SCGB2B2: variants seen among roughly 807,000 people sequenced by gnomAD.
SCGB2B2 encodes secretoglobin-like protein.
A neutral mutation model predicts 7.6 loss-of-function variants in SCGB2B2; 11 were observed. The observed-to-expected ratio is 1.45, with a 90% CI of 0.91 to 2.40. The LOEUF is 2.40. Among genes scored for constraint, SCGB2B2 ranks in the 30% most tolerant of loss-of-function variants. The probability of loss-of-function intolerance (pLI) is 0.00; values close to 1 mark genes in which losing one functional copy is unlikely to be tolerated. For synonymous variants in SCGB2B2, 50 were observed against 48.6 expected (o/e 1.03, Z -0.12); for missense variants, 104 against 115.4 (o/e 0.90, Z 0.45).
chr19:34,645,654 C>A, intron 1 of SCGB2B2: 1 of 366,238 alleles, frequency 2.7e-6, no homozygotes, highest in South Asian at 2.5e-5. Context: ...GGACCAGACT[C>A]CACTGTCATG....
Position 34,598,484 on chromosome 19 carries a change from T to G in SCGB2B2, c.-2031-1890A>C, listed in dbSNP as rs574507493. On this transcript the variant is annotated intron_variant, in intron 1 of 3. Transcript: ENST00000601241. Reference sequence around the variant, plus strand: ...ACTAGAGGGGACTCTAATCCCCAGTTGTTTGAGGAACTTGGGCATCCTGCA... The same window carrying G: ...ACTAGAGGGGACTCTAATCCCCAGTGGTTTGAGGAACTTGGGCATCCTGCA... Among the ~76,000 whole-genome samples the G allele has an allele frequency of 1.1e-3, 173 of 151,382 alleles. 1 individual carries two copies. Among genetic ancestry groups the G allele is most frequent in the African/African-American group, 4.0e-3 (164 of 41,198 alleles).
intron 1 of SCGB2B2, among the ~76,000 whole-genome samples, chr19:34,610,763 C>T (rs2065904077): frequency 2.3e-5 from 3 of 130,076 alleles, no homozygotes; most frequent in Admixed American, 7.8e-5. Context: ...GGATATTGGC[C>T]TATAGTTTTT....
intron 1 of SCGB2B2, among the ~76,000 whole-genome samples, chr19:34,603,884 T>C (rs2065703843): frequency 1.3e-5 from 2 of 150,768 alleles, no homozygotes; most frequent in African/African-American, 4.9e-5. Context: ...GATAGCTCAC[T>C]GTAGCCTCAA....
chr19:34,643,251 AATC>A (rs1379912221), intron 1 of SCGB2B2, among the ~76,000 whole-genome samples: 1 of 152,208 alleles, frequency 6.6e-6, no homozygotes, highest in East Asian at 1.9e-4. Flanking sequence ...AAAAGAGTGA[AATC>A]ATGTCTTTTG....
intron 1 of SCGB2B2, among the ~76,000 whole-genome samples, chr19:34,601,020 T>C (rs936840922): frequency 3.3e-5 from 5 of 152,166 alleles, no homozygotes; most frequent in African/African-American, 1.2e-4. Flanking sequence ...GTCTTTATTA[T>C]TTTGCTTTGT....
chr19:34,652,766 A>T (rs1335093308), intron 1 of SCGB2B2, among the ~76,000 whole-genome samples: 1 of 151,436 alleles, frequency 6.6e-6, no homozygotes, highest in Non-Finnish European at 1.5e-5. Context: ...TGGGAATGTA[A>T]ATTAGAACAG....
intron 1 of SCGB2B2, among the ~76,000 whole-genome samples, chr19:34,663,775 T>G (rs1422771924): frequency 6.7e-6 from 1 of 150,036 alleles, no homozygotes; most frequent in Non-Finnish European, 1.5e-5. Context: ...AAAGGGAAAG[T>G]GAAGGGGAGG....
At chr19:34,647,981 T>C (rs138083883) in intron 1 of SCGB2B2, among the ~76,000 whole-genome samples, 121 of 152,134 alleles carry the variant, frequency 8.0e-4, no homozygotes, top group Non-Finnish European at 1.5e-3. Context: ...GTCGGAGAAA[T>C]GGCCAGTGTA....
downstream of SCGB2B2, among the ~76,000 whole-genome samples, chr19:34,585,864 G>T (rs961887901): frequency 2.0e-5 from 3 of 152,228 alleles, no homozygotes; most frequent in Admixed American, 6.5e-5. Context: ...GATGGTATCT[G>T]CAGAAGTAAC....
chr19:34,641,707 C>T, intron 1 of SCGB2B2, among the ~76,000 whole-genome samples: 1 of 151,996 alleles, frequency 6.6e-6, no homozygotes, highest in East Asian at 1.9e-4. Context: ...AACTCTTGGC[C>T]CCTCTTATGT....
intron 1 of SCGB2B2, among the ~76,000 whole-genome samples, chr19:34,618,566 C>T (rs2066154892): frequency 6.6e-6 from 1 of 152,074 alleles, no homozygotes. Context: ...AGTTTTTTTC[C>T]CCCATTACTC....
chr19:34,586,271 A>C (rs2065188605), downstream of SCGB2B2, among the ~76,000 whole-genome samples: 1 of 152,258 alleles, frequency 6.6e-6, no homozygotes, highest in Non-Finnish European at 1.5e-5. Context: ...ATCTTTTAAT[A>C]AAGTATAATT....
At chr19:34,642,904 A>C (rs867534204) in intron 1 of SCGB2B2, among the ~76,000 whole-genome samples, 9 of 152,124 alleles carry the variant, frequency 5.9e-5, no homozygotes, top group African/African-American at 1.9e-4. Context: ...AAGGACAAAA[A>C]CCAACAGACG....
At chr19:34,598,143 T>G (rs531274864) in intron 1 of SCGB2B2, among the ~76,000 whole-genome samples, 2 of 152,178 alleles carry the variant, frequency 1.3e-5, no homozygotes, top group Admixed American at 6.5e-5. Context: ...GACTCGGGGC[T>G]AGGAATTCTC....
intron 1 of SCGB2B2, among the ~76,000 whole-genome samples, chr19:34,606,505 T>TC (rs1329174991): frequency 1.6e-5 from 2 of 128,436 alleles, no homozygotes; most frequent in Non-Finnish European, 3.6e-5. Flanking sequence ...AACAGGTTTT[T>TC]CTTTTCTTTT....
Position 34,630,575 on chromosome 19 carries a change from C to T in SCGB2B2, c.-2031-33981G>A, listed in dbSNP as rs551811112. Among the ~76,000 whole-genome samples, 9 of 152,044 alleles carry T rather than the reference C, an allele frequency of 5.9e-5. No homozygotes were observed. In the East Asian group the frequency reaches 7.7e-4, roughly 13 times the overall value. Reference sequence around the variant, plus strand: ...AAAACAACAATGAGATACCATCTCACGCCAGTTAGAATGGCGATCATTAAA... The same window carrying T: ...AAAACAACAATGAGATACCATCTCATGCCAGTTAGAATGGCGATCATTAAA... On this transcript the variant is annotated intron_variant, in intron 1 of 3. Coordinates refer to ENST00000601241, the MANE Select transcript of SCGB2B2 (RefSeq NM_001025591.4).
chr19:34,658,813 CAAAAAAAAAA>C (rs138363297), intron 1 of SCGB2B2, among the ~76,000 whole-genome samples: 4 of 102,008 alleles, frequency 3.9e-5, no homozygotes, highest in South Asian at 3.2e-4. Flanking sequence ...ACAACAACAA[CAAAAAAAAAA>C]AAAAAAAAAA....
At chr19:34,659,602 AG>A (rs2067391829) in intron 1 of SCGB2B2, among the ~76,000 whole-genome samples, 1 of 152,226 alleles carries the variant, frequency 6.6e-6, no homozygotes, top group Non-Finnish European at 1.5e-5. Context: ...GATGTCTTCA[AG>A]GAGAACTACA....
chr19:34,665,136 G>C (rs2067579129), intron 1 of SCGB2B2, among the ~76,000 whole-genome samples: 1 of 152,162 alleles, frequency 6.6e-6, no homozygotes, highest in African/African-American at 2.4e-5. Context: ...TCCTCCCTCT[G>C]AAATGGTGGC....
Sources: gnomAD v4.1 joint callset for allele counts (sites outside exome capture counted in the v4.1 genomes callset) on GRCh38, gnomAD v4.1.1 for gene constraint, MANE v1.5 for transcripts, NCBI Gene and HGNC (gene_info 2026-07-23, HGNC 2026-07-21) for gene names.